The following CHRNB1 variants were observed in gnomAD, a reference collection of about 807,000 sequenced individuals.
The protein encoded by CHRNB1 is acetylcholine receptor subunit beta.
Under a neutral mutation model 53.8 loss-of-function variants are expected in CHRNB1, and 47 were observed. That is an observed-to-expected ratio of 0.87 (90% CI 0.69 to 1.11). The LOEUF is 1.11. CHRNB1 is among the 50% of genes most tolerant of loss of function. The probability of loss-of-function intolerance (pLI) is 0.00; values close to 1 mark genes in which losing one functional copy is unlikely to be tolerated. For synonymous variants in CHRNB1, 259 were observed against 263.5 expected, an observed-to-expected ratio of 0.98 and a Z score of 0.16; for missense variants, 605 against 654.9, an observed-to-expected ratio of 0.92 and a Z score of 0.83.
At chr17:7,453,181 G>A (rs573366384) in intron 7 of CHRNB1, among the ~76,000 whole-genome samples, 3 of 152,174 alleles carry the variant, frequency 2.0e-5, no homozygotes, top group African/African-American at 4.8e-5. Flanking sequence ...GCAATGGCAC[G>A]ATCTCGACTC....
At chr17:7,456,399 C>G (rs983750366) in intron 10 of CHRNB1, among the ~76,000 whole-genome samples, 184 bp from the exon 11 acceptor site, 2 of 152,078 alleles carry the variant, frequency 1.3e-5, no homozygotes, top group Admixed American at 6.6e-5. Context: ...GGTCCCACCC[C>G]CTGCTTACCT....
In CHRNB1 at chr17:7,445,557, A is replaced by G. The variant is rs1378240020; in HGVS notation, c.198+148A>G. On this transcript the variant is annotated intron_variant, in intron 2 of 10. Coordinates refer to ENST00000306071, the MANE Select transcript of CHRNB1 (RefSeq NM_000747.3). This position sits in a 1 kb window ranked among gnomAD's most constrained non-coding sequence, Gnocchi z 5.7. ...AGCCTTTGGTGAAGATTGGATCGAA[A>G]TCAGACCAATGGACAAGCTCTGGCC... is the stretch of plus-strand genomic sequence containing the variant. 5 of 1,504,076 alleles carry G rather than the reference A, an allele frequency of 3.3e-6. No homozygotes were observed. Among genetic ancestry groups the G allele is most frequent in the Non-Finnish European group, 4.4e-6 (5 of 1,130,036 alleles). 93.2% of individuals were successfully genotyped at this position (1,504,076 alleles called of 1,614,324 possible). A position where few individuals can be genotyped will look rare whatever the true frequency, so the allele number is the denominator to read the frequency against.
Position 7,445,197 on chromosome 17 carries a change from C to A in CHRNB1, c.58+12C>A, listed in dbSNP as rs771885675. 4.7e-5 allele frequency: 76 copies of A among 1,610,742 alleles called. No individual in the cohort carries two copies. The highest frequency in any genetic ancestry group is 2.7e-4 in the Admixed American group (16 of 59,828). On this transcript the variant is annotated intron_variant, in intron 1 of 10. Transcript: ENST00000306071. This position sits in a 1 kb window ranked among gnomAD's most constrained non-coding sequence, Gnocchi z 5.7. ...GCCGCTCGCCCCAGGTAAGTGTAGG[C>A]CCCGAAGGGGCAGTGACGGGGCCAG...
At chr17:7,451,267 TTCTTTTC>T (rs1395577229) in intron 7 of CHRNB1, among the ~76,000 whole-genome samples, 5 of 138,830 alleles carry the variant, frequency 3.6e-5, no homozygotes, top group African/African-American at 8.3e-5. Context: ...TTCTTTTCTT[TTCTTTTC>T]TTTTTTTTTT....
At chr17:7,447,680 G>T in intron 6 of CHRNB1, 30 bp downstream of exon 6, 1 of 1,613,532 alleles carries the variant, frequency 6.2e-7, no homozygotes, top group South Asian at 1.1e-5. Flanking sequence ...ACATCCATGG[G>T]CTCTATCATT....
chr17:7,454,552 T>C, intron 8 of CHRNB1, 32 bp downstream of exon 8: 1 of 1,573,190 alleles, frequency 6.4e-7, no homozygotes, highest in Non-Finnish European at 8.7e-7. Flanking sequence ...AACCCCAATT[T>C]TCCTTTTACA....
At chr17:7,456,122 T>C (rs2069948704) in intron 10 of CHRNB1, among the ~76,000 whole-genome samples, 181 bp downstream of exon 10, 1 of 141,832 alleles carries the variant, frequency 7.1e-6, no homozygotes. Flanking sequence ...TGGCTCGATC[T>C]CGGCTCACTG....
Position 7,447,653 on chromosome 17 carries a change from G to A in CHRNB1, c.610+3G>A, listed in dbSNP as rs1254861695. 3 of 1,614,192 alleles carry A rather than the reference G, an allele frequency of 1.9e-6. No homozygotes were observed. In the Admixed American group the frequency reaches 5.0e-5, roughly 27 times the overall value. On this transcript the variant is annotated splice_donor_region_variant and intron_variant, in intron 6 of 10. Coordinates refer to ENST00000306071, the MANE Select transcript of CHRNB1 (RefSeq NM_000747.3). ...CATTCATGAAGGGACTTTCATTGGT[G>A]AGTAGGCATGGCTCCTACATCCATG...
intron 5 of CHRNB1, 134 bp downstream of exon 5, chr17:7,447,285 A>G: frequency 1.1e-6 from 1 of 935,376 alleles, no homozygotes; most frequent in Non-Finnish European, 1.7e-6. Context: ...CACCTCGTCT[A>G]CCCTCCTGGT....
At chr17:7,452,235 T>C (rs1485161683) in intron 7 of CHRNB1, among the ~76,000 whole-genome samples, 1 of 151,854 alleles carries the variant, frequency 6.6e-6, no homozygotes, top group Non-Finnish European at 1.5e-5. Flanking sequence ...TTTTTGTAAT[T>C]TAAGTAGAGA....
At position 7,445,640 on chromosome 17, in the gene CHRNB1, C is replaced by A; in HGVS notation, c.198+231C>A. 1 of 1,404,002 alleles carries A rather than the reference C, an allele frequency of 7.1e-7. No individual in the cohort carries two copies. Among genetic ancestry groups the A allele is most frequent in the African/African-American group, 1.4e-5 (1 of 69,176 alleles). 87.0% of individuals were successfully genotyped at this position (1,404,002 alleles called of 1,614,324 possible). A position where few individuals can be genotyped will look rare whatever the true frequency, so the allele number is the denominator to read the frequency against. On this transcript the variant is annotated intron_variant, in intron 2 of 10. Coordinates refer to ENST00000306071, the MANE Select transcript of CHRNB1 (RefSeq NM_000747.3). This position sits in a 1 kb window ranked among gnomAD's most constrained non-coding sequence, Gnocchi z 5.7. ...GTAGGGTGAAGGACGGACCTGTGAT[C>A]GGACCTTAAAGTGGGGCTGGGGACG... is the stretch of plus-strand genomic sequence containing the variant.
intron 6 of CHRNB1, among the ~76,000 whole-genome samples, 198 bp downstream of exon 6, chr17:7,447,848 C>T (rs1459335984): frequency 6.6e-6 from 1 of 151,976 alleles, no homozygotes; most frequent in African/African-American, 2.4e-5. Context: ...GAAGCCGAGG[C>T]GGGCGGATCA....
intron 8 of CHRNB1, 50 bp downstream of exon 8, chr17:7,454,570 G>C: frequency 6.9e-7 from 1 of 1,446,186 alleles, no homozygotes; most frequent in Non-Finnish European, 9.7e-7. Context: ...ACAGACCATA[G>C]GGAGAACTAT....
At position 7,448,803 on chromosome 17, in the gene CHRNB1, G is replaced by A; in HGVS notation, c.820+15G>A. The A allele has an allele frequency of 6.2e-7, 1 of 1,611,692 alleles. No homozygotes were observed. The highest frequency in any genetic ancestry group is 2.2e-5 in the East Asian group (1 of 44,876). On this transcript the variant is annotated intron_variant, in intron 7 of 10. Transcript: ENST00000306071. The stretch of plus-strand genomic sequence containing the variant: ...ACCAGATGCAGGTAATGGGGGAAGG[G>A]GCTCCTTACTCTTTTGTCATTGGCT...
At position 7,445,135 on chromosome 17, in the gene CHRNB1, C is replaced by T; in HGVS notation, c.8C>T (p.Pro3Leu). 6.2e-7 allele frequency: 1 copy of T among 1,608,868 alleles called. No homozygotes were observed. Among genetic ancestry groups the T allele is most frequent in the Non-Finnish European group, 8.5e-7 (1 of 1,179,532 alleles). Residue 3 changes from proline to leucine, a missense_variant, in exon 1 of 11, where the codon CCA becomes CTA. Coordinates refer to ENST00000306071, the MANE Select transcript of CHRNB1 (RefSeq NM_000747.3). This position sits in a 1 kb window ranked among gnomAD's most constrained non-coding sequence, Gnocchi z 5.7. MTPGALLMLLGAL... is the reference protein window; with the variant it reads MTLGALLMLLGAL... ...TGAGCGAGCCGCCAGGCTATGACCC[C>T]AGGGGCTCTGCTGATGCTGCTGGGG...
chr17:7,448,360 T>G (rs941120199), intron 6 of CHRNB1, among the ~76,000 whole-genome samples: 13 of 152,170 alleles, frequency 8.5e-5, no homozygotes, highest in Admixed American at 1.3e-4. Context: ...CACTCCAACC[T>G]GGGCAACAAG....
At position 7,445,349 on chromosome 17, in the gene CHRNB1, G is replaced by A. The variant is rs1418072450; in HGVS notation, c.138G>A (p.Arg46=). Residue 46 remains arginine (R), a synonymous_variant, in exon 2 of 11, where the codon CGG becomes CGA. Transcript: ENST00000306071. This position sits in a 1 kb window ranked among gnomAD's most constrained non-coding sequence, Gnocchi z 5.7. ...SGYDSSVRPA[R]EVGDRVRVSV... is the part of the protein sequence containing the mutation. The stretch of plus-strand genomic sequence containing the variant: ...ATGATAGCTCCGTGCGGCCAGCGCG[G>A]GAGGTGGGAGACCGTGTCAGGGTCA... The A allele has an allele frequency of 4.3e-6, 7 of 1,612,938 alleles. No individual in the cohort carries two copies. The highest frequency in any genetic ancestry group is 5.9e-6 in the Non-Finnish European group (7 of 1,179,850).
intron 7 of CHRNB1, 30 bp downstream of exon 7, chr17:7,448,818 T>C (rs768881986): frequency 3.7e-6 from 6 of 1,603,416 alleles, no homozygotes; most frequent in South Asian, 3.3e-5. Context: ...CTTACTCTTT[T>C]GTCATTGGCT....
intron 6 of CHRNB1, 123 bp downstream of exon 6, chr17:7,447,773 C>T: frequency 8.3e-7 from 1 of 1,206,464 alleles, no homozygotes. Context: ...GTATGGCTAT[C>T]TACATTTTAA....
Sources: gnomAD v4.1 joint callset for allele counts (sites outside exome capture counted in the v4.1 genomes callset) on GRCh38, gnomAD v4.1.1 for gene constraint, Gnocchi (gnomAD v3.1) non-coding constraint, MANE v1.5 for transcripts, NCBI Gene and HGNC (gene_info 2026-07-23, HGNC 2026-07-21) for gene names.